Variants in KLHL12 observed in about 807,000 individuals in gnomAD.
KLHL12 encodes the protein kelch-like protein 12.
Under a neutral mutation model 60.8 loss-of-function variants are expected in KLHL12, and 17 were observed. The ratio of observed to expected loss-of-function variants is 0.28; its 90% confidence interval spans 0.19 to 0.42. KLHL12 has a LOEUF of 0.42. Ranked by LOEUF, KLHL12 falls within the 10% of genes least tolerant of loss-of-function variation. KLHL12 has a pLI of 1.00. For synonymous variants in KLHL12, 220 were observed against 250.9 expected (o/e 0.88, Z 1.16); for missense variants, 468 against 722.3 (o/e 0.65, Z 4.04).
At chr1:202,925,723 A>C (rs1265973014) in intron 1 of KLHL12, among the ~76,000 whole-genome samples, 1 of 152,208 alleles carries the variant, frequency 6.6e-6, no homozygotes, top group Non-Finnish European at 1.5e-5. Context: ...AGAGCAAGAA[A>C]GGCCACTCAG....
intron 4 of KLHL12, among the ~76,000 whole-genome samples, chr1:202,917,479 G>C (rs1660558248): frequency 6.6e-6 from 1 of 152,140 alleles, no homozygotes; most frequent in Non-Finnish European, 1.5e-5. Flanking sequence ...CAAAGTGCTG[G>C]GATTACAGGC....
intron 1 of KLHL12, 87 bp from the exon 2 acceptor site, chr1:202,925,294 A>C: frequency 1.4e-6 from 2 of 1,443,738 alleles, no homozygotes; most frequent in Non-Finnish European, 1.8e-6. Flanking sequence ...TTAAGAACCT[A>C]AGAGGCTTCC....
At chr1:202,910,715 G>A (rs940652408) in intron 5 of KLHL12, among the ~76,000 whole-genome samples, 1 of 152,188 alleles carries the variant, frequency 6.6e-6, no homozygotes, top group Non-Finnish European at 1.5e-5. Flanking sequence ...GGCTTGCTAA[G>A]TGTGGCATAA....
chr1:202,920,503 AG>A (rs1558000058), intron 2 of KLHL12, among the ~76,000 whole-genome samples: 1 of 146,764 alleles, frequency 6.8e-6, no homozygotes, highest in African/African-American at 2.5e-5. Flanking sequence ...CAGCCTCCCG[AG>A]TAGTTTGGAC....
rs950461494 is a variant in KLHL12, at chr1:202,896,882, G to C, written c.911C>G (p.Pro304Arg). ...CAAAAAGCTCCACTCCTGAGTCTTG[G>C]GGTCATATTTCTCTACCACATCAAT... ...SPIDVVEKYDPKTQEWSFLPS... is the reference protein window; with the variant it reads ...SPIDVVEKYDRKTQEWSFLPS... Residue 304 changes from proline to arginine, a missense_variant, in exon 7 of 12, where the codon CCC (proline) becomes CGC (arginine). Around this residue, in one of 4 missense-constraint regions of KLHL12, gnomAD observed 339 missense variants for 525.0 expected, o/e 0.65. Coordinates refer to ENST00000367261, the MANE Select transcript of KLHL12 (RefSeq NM_021633.4). 8.1e-6 allele frequency: 13 copies of C among 1,613,904 alleles called. No individual in the cohort carries two copies. The highest frequency in any genetic ancestry group is 1.0e-5 in the Non-Finnish European group (12 of 1,179,934).
At position 202,911,048 on chromosome 1, in the gene KLHL12, A is replaced by T. The variant is rs1660337167; in HGVS notation, c.717+6T>A. On this transcript the variant is annotated splice_donor_region_variant and intron_variant, in intron 5 of 11. Transcript: ENST00000367261. ...TTTTGGATCCTGAGAGTGTTGCACT[A>T]CTTACCTCAGCATCTATTACATCTG... 6.2e-7 allele frequency: 1 copy of T among 1,613,798 alleles called. No individual in the cohort carries two copies.
intron 2 of KLHL12, among the ~76,000 whole-genome samples, chr1:202,924,494 T>C (rs1653425812): frequency 6.6e-6 from 1 of 152,186 alleles, no homozygotes; most frequent in Non-Finnish European, 1.5e-5. Flanking sequence ...GGCTCACACC[T>C]GTAATGCCAG....
upstream of KLHL12, chr1:202,928,573 C>A (rs1354602217): frequency 3.9e-6 from 5 of 1,289,640 alleles, no homozygotes; most frequent in Admixed American, 1.1e-4. Flanking sequence ...CTTTTCGGGC[C>A]GAACAACGCT....
chr1:202,910,884 G>A (rs778107107), intron 5 of KLHL12, among the ~76,000 whole-genome samples, 170 bp downstream of exon 5: 1 of 152,056 alleles, frequency 6.6e-6, no homozygotes, highest in Non-Finnish European at 1.5e-5. Flanking sequence ...CAAGAAATTC[G>A]CTTTTCTTAG....
chr1:202,903,996 CTATCTATCTATCTATCTATT>C (rs1660105775), intron 6 of KLHL12, among the ~76,000 whole-genome samples: 2 of 147,304 alleles, frequency 1.4e-5, no homozygotes, highest in African/African-American at 5.4e-5. Context: ...ATCTATGTAT[CTATCTATCTATCTATCTATT>C]TATCTATCTA....
At chr1:202,911,906 G>T in intron 4 of KLHL12, 1 of 833,972 alleles carries the variant, frequency 1.2e-6, no homozygotes. Flanking sequence ...GAAAGCCTGA[G>T]GAGCTATTTT....
At position 202,903,211 on chromosome 1, in the gene KLHL12, T is replaced by C. The variant is rs190432313; in HGVS notation, c.832+5799A>G. Among the ~76,000 whole-genome samples, 16 of 151,002 alleles carry C rather than the reference T, an allele frequency of 1.1e-4. No homozygotes were observed. In the East Asian group the frequency reaches 2.5e-3, roughly 24 times the overall value. ...TTACTTTGAGACATAAGGTGACTTT[T>C]TGAAGCTGTTACCAATTACACTCCC... On this transcript the variant is annotated intron_variant, in intron 6 of 11. Transcript: ENST00000367261.
chr1:202,913,939 A>G (rs1229453087), intron 4 of KLHL12, among the ~76,000 whole-genome samples: 1 of 152,242 alleles, frequency 6.6e-6, no homozygotes, highest in Non-Finnish European at 1.5e-5. Context: ...GGAGCAAACC[A>G]GACACTATAG....
At chr1:202,911,685 C>A in intron 4 of KLHL12, 1 of 519,354 alleles carries the variant, frequency 1.9e-6, no homozygotes, top group Non-Finnish European at 3.4e-6. Flanking sequence ...TCAAACTGTT[C>A]ACCCAAGCCT....
intron 6 of KLHL12, 103 bp downstream of exon 6, chr1:202,908,907 A>G (rs542788645): frequency 2.4e-5 from 17 of 708,112 alleles, no homozygotes; most frequent in Middle Eastern, 4.2e-4. Flanking sequence ...AAGGTCTGAA[A>G]CGAGGTGTCT....
At position 202,923,471 on chromosome 1, in the gene KLHL12, C is replaced by T. The variant is rs186424131; in HGVS notation, c.195+1497G>A. Among the ~76,000 whole-genome samples the T allele has an allele frequency of 8.8e-4, 134 of 152,324 alleles. 1 individual carries two copies. The highest frequency in any genetic ancestry group is 3.1e-3 in the African/African-American group (128 of 41,574). ...ATGACCTGTCAGGTTCCTGTTTTCC[C>T]TACTAGCCATGTGACTGAGCATTGG... On this transcript the variant is annotated intron_variant, in intron 2 of 11. Coordinates refer to ENST00000367261, the MANE Select transcript of KLHL12 (RefSeq NM_021633.4).
At position 202,918,303 on chromosome 1, in the gene KLHL12, G is replaced by A. The variant is rs560859667; in HGVS notation, c.435C>T (p.His145=). Residue 145 remains histidine, a synonymous_variant, in exon 4 of 12, where the codon CAC becomes CAT. Transcript: ENST00000367261. The stretch of plus-strand genomic sequence containing the variant: ...CTGCTTGCATCAGGTCAACACAATT[G>A]TGGGTTTCAGCAAAATCCCTAATAC... ...CLGIRDFAET[H]NCVDLMQAAE... 1.9e-6 allele frequency: 3 copies of A among 1,614,110 alleles called. No homozygotes were observed. Among genetic ancestry groups the A allele is most frequent in the African/African-American group, 1.3e-5 (1 of 75,034 alleles).
At chr1:202,892,756 T>G in intron 11 of KLHL12, 97 bp from the exon 12 acceptor site, 1 of 1,340,528 alleles carries the variant, frequency 7.5e-7, no homozygotes, top group Non-Finnish European at 1.0e-6. Context: ...GTAAGAGGAT[T>G]GCTTAAGCCC....
intron 2 of KLHL12, among the ~76,000 whole-genome samples, chr1:202,922,906 G>T (rs1488129026): frequency 6.6e-6 from 1 of 151,626 alleles, no homozygotes; most frequent in East Asian, 1.9e-4. Context: ...TCCTGCCTCA[G>T]TCTTTGTGAT....
Sources: gnomAD v4.1 joint callset for allele counts (sites outside exome capture counted in the v4.1 genomes callset) on GRCh38, gnomAD v4.1.1 for gene constraint, gnomAD v4.1.1 regional missense constraint, MANE v1.5 for transcripts, NCBI Gene and HGNC (gene_info 2026-07-23, HGNC 2026-07-21) for gene names.